Variants in ERC2 observed in about 807,000 individuals in gnomAD.
ERC2 encodes the protein ELKS/RAB6-interacting/CAST family member 2.
ERC2 carries 42 observed loss-of-function variants against 114.8 expected under a neutral mutation model. That is an observed-to-expected ratio of 0.37 (90% confidence interval 0.29 to 0.47). The LOEUF (loss-of-function observed/expected upper bound fraction) is 0.47, where lower values mean the gene tolerates loss of function less well. ERC2 is among the 20% of genes least tolerant of loss of function. The pLI is 0.99. For synonymous variants in ERC2, 454 were observed against 425.5 expected (o/e 1.07, Z -0.82); for missense variants, 939 against 1,150.7 (o/e 0.82, Z 2.66).
At chr3:56,366,100 C>G (rs1369107164) in intron 2 of ERC2, among the ~76,000 whole-genome samples, 2 of 152,152 alleles carry the variant, frequency 1.3e-5, no homozygotes, top group African/African-American at 4.8e-5. Flanking sequence ...TACTTTTTGT[C>G]CCTTCCTCCA....
At chr3:55,593,844 G>A (rs1224029733) in intron 17 of ERC2, among the ~76,000 whole-genome samples, 2 of 151,930 alleles carry the variant, frequency 1.3e-5, no homozygotes, top group South Asian at 2.1e-4. Context: ...TTCTACTCTG[G>A]AGCCACCTCT....
At chr3:55,986,409 C>T (rs1250035708) in intron 11 of ERC2, among the ~76,000 whole-genome samples, 1 of 152,160 alleles carries the variant, frequency 6.6e-6, no homozygotes, top group African/African-American at 2.4e-5. Context: ...TGGGTAAGTG[C>T]TCATGTCAGA....
At chr3:55,604,070 C>G (rs1368012981) in intron 17 of ERC2, among the ~76,000 whole-genome samples, 1 of 152,142 alleles carries the variant, frequency 6.6e-6, no homozygotes, top group Non-Finnish European at 1.5e-5. Flanking sequence ...ATATATTACA[C>G]TAAGATGAAA....
intron 12 of ERC2, among the ~76,000 whole-genome samples, chr3:55,979,835 T>C (rs1461276664): frequency 6.6e-6 from 1 of 152,000 alleles, no homozygotes. Context: ...TTCTAGCTAC[T>C]TGAGAGGCTG....
At chr3:56,270,125 TG>T (rs1440258046) in intron 3 of ERC2, among the ~76,000 whole-genome samples, 3 of 151,248 alleles carry the variant, frequency 2.0e-5, no homozygotes, top group Admixed American at 6.6e-5. Flanking sequence ...GTCAATTAGC[TG>T]AAAAACAAAT....
chr3:56,051,040 G>A (rs1560090935), intron 7 of ERC2, among the ~76,000 whole-genome samples: 2 of 152,190 alleles, frequency 1.3e-5, no homozygotes, highest in Non-Finnish European at 2.9e-5. Flanking sequence ...ATTCCCTGAT[G>A]CCTGCAGCCA....
intron 3 of ERC2, among the ~76,000 whole-genome samples, chr3:56,194,394 T>C (rs895868973): frequency 3.9e-5 from 6 of 152,172 alleles, no homozygotes; most frequent in African/African-American, 1.4e-4. Context: ...CCAATGTGCT[T>C]ATAAGAGAAA....
chr3:56,329,342 T>C (rs2057503152), intron 2 of ERC2, among the ~76,000 whole-genome samples: 1 of 152,114 alleles, frequency 6.6e-6, no homozygotes, highest in South Asian at 2.1e-4. Context: ...GAAATAACAT[T>C]ATAAAAACTC....
intron 2 of ERC2, among the ~76,000 whole-genome samples, chr3:56,400,584 G>T (rs116320994): frequency 0.027 from 4,130 of 152,186 alleles, 62 homozygotes; most frequent in South Asian, 0.067. Context: ...TGACTGTAAT[G>T]AATTAAAAGG....
chr3:56,307,766 G>T (rs149733415), intron 2 of ERC2, among the ~76,000 whole-genome samples: 6 of 152,096 alleles, frequency 3.9e-5, no homozygotes, highest in African/African-American at 1.4e-4. Flanking sequence ...TGGGGGAGTA[G>T]TGGAAAGGAA....
At chr3:56,160,893 G>A (rs1242036994) in intron 4 of ERC2, among the ~76,000 whole-genome samples, 1 of 152,136 alleles carries the variant, frequency 6.6e-6, no homozygotes. Flanking sequence ...TTATAGCATA[G>A]TTTGACATCG....
At chr3:56,019,391 G>A (rs2073544667) in intron 7 of ERC2, among the ~76,000 whole-genome samples, 1 of 152,150 alleles carries the variant, frequency 6.6e-6, no homozygotes, top group South Asian at 2.1e-4. Flanking sequence ...TATTATGCAA[G>A]ATTAATTCAT....
At chr3:55,513,610 G>C (rs1320625445) in intron 17 of ERC2, among the ~76,000 whole-genome samples, 2 of 150,220 alleles carry the variant, frequency 1.3e-5, no homozygotes, top group Admixed American at 6.6e-5. Context: ...AATAGAGCGT[G>C]TGTGCATGTA....
At chr3:56,434,168 T>A in intron 2 of ERC2, 183 bp downstream of exon 2, 65 of 441,886 alleles carry the variant, frequency 1.5e-4, no homozygotes, top group Non-Finnish European at 1.9e-4. Context: ...AATAAGGAAA[T>A]TACAAGCTGT....
chr3:55,756,621 C>T (rs1559605284), intron 14 of ERC2, among the ~76,000 whole-genome samples: 2 of 152,192 alleles, frequency 1.3e-5, no homozygotes, highest in African/African-American at 4.8e-5. Flanking sequence ...TTCATCCTGA[C>T]ATCTTCTGAT....
chr3:56,398,529 CTGAG>C (rs1051832411), intron 2 of ERC2, among the ~76,000 whole-genome samples: 3 of 151,962 alleles, frequency 2.0e-5, no homozygotes, highest in African/African-American at 4.8e-5. Flanking sequence ...TTCAAATTTA[CTGAG>C]TATCATATAA....
chr3:56,188,105 T>G (rs1264939196), intron 3 of ERC2, among the ~76,000 whole-genome samples: 1 of 152,144 alleles, frequency 6.6e-6, no homozygotes, highest in Non-Finnish European at 1.5e-5. Context: ...CTAAGTCCAC[T>G]GCAAGGATCC....
intron 17 of ERC2, among the ~76,000 whole-genome samples, chr3:55,514,261 G>T (rs143884148): frequency 6.6e-6 from 1 of 152,218 alleles, no homozygotes; most frequent in Non-Finnish European, 1.5e-5. Flanking sequence ...AGCTGGGTGT[G>T]GTGGATGCCC....
intron 13 of ERC2, among the ~76,000 whole-genome samples, chr3:55,932,017 G>T (rs1341512256): frequency 6.6e-6 from 1 of 152,102 alleles, no homozygotes; most frequent in African/African-American, 2.4e-5. Context: ...TGTAGAATTT[G>T]TTCTGTAAAT....
Sources: allele counts gnomAD v4.1 joint callset (sites outside exome capture counted in the v4.1 genomes callset), GRCh38; gene constraint gnomAD v4.1.1; transcripts MANE v1.5; gene names NCBI Gene and HGNC (gene_info 2026-07-23, HGNC 2026-07-21).